Variants in CLU observed in about 807,000 individuals in gnomAD.
CLU encodes aging-associated protein 4.
Under a neutral mutation model 46.4 loss-of-function variants are expected in CLU, and 25 were observed. The observed-to-expected ratio is 0.54, with a 90% CI of 0.39 to 0.75. The LOEUF is 0.75. Among genes scored for constraint, CLU ranks in the 30% least tolerant of loss-of-function variants. The pLI is 0.00. For synonymous variants in CLU, 235 were observed against 235.1 expected (o/e 1.00, Z 0.00); for missense variants, 504 against 592.1 (o/e 0.85, Z 1.54).
intron 1 of CLU, among the ~76,000 whole-genome samples, chr8:27,612,352 A>C (rs1186878628): frequency 6.6e-6 from 1 of 152,144 alleles, no homozygotes; most frequent in Non-Finnish European, 1.5e-5. Context: ...TGTAAAATGG[A>C]TCTAATCCAG....
chr8:27,613,401 AAAG>A (rs201781674), intron 1 of CLU, among the ~76,000 whole-genome samples: 117 of 142,220 alleles, frequency 8.2e-4, no homozygotes, highest in Non-Finnish European at 1.3e-3. Context: ...AAAAAAAAAA[AAAG>A]AGAGAAAAGA....
chr8:27,614,596 C>T (rs774220738), intron 1 of CLU, 59 bp downstream of exon 1: 11 of 463,322 alleles, frequency 2.4e-5, no homozygotes, highest in Non-Finnish European at 4.5e-5. Flanking sequence ...CCATCCCCTG[C>T]CCGCCCATCC....
At chr8:27,608,870 G>T in intron 3 of CLU, 68 bp downstream of exon 3, 1 of 1,568,836 alleles carries the variant, frequency 6.4e-7, no homozygotes, top group Non-Finnish European at 8.8e-7. Context: ...AGGGCACCGC[G>T]CAGTGACCCC....
chr8:27,597,111 T>C lies in CLU; in HGVS notation c.*1130A>G. The C allele has an allele frequency of 2.2e-6, 1 of 454,118 alleles. No homozygotes were observed. The highest frequency in any genetic ancestry group is 4.4e-6 in the Non-Finnish European group (1 of 226,788). The allele number at this position is 454,118 out of a possible 1,614,324, so 28.1% of individuals were successfully genotyped here. A position where few individuals can be genotyped will look rare whatever the true frequency, so the allele number is the denominator to read the frequency against. On this transcript the variant is annotated 3_prime_UTR_variant, in exon 9 of 9. Coordinates refer to ENST00000316403, the MANE Select transcript of CLU (RefSeq NM_001831.4). Reference sequence around the variant, plus strand: ...TTGGACATAAGCTAAGCTTTAAGTTTGTTGTTTATAACTTCAAAGAGAGAC... The same window carrying C: ...TTGGACATAAGCTAAGCTTTAAGTTCGTTGTTTATAACTTCAAAGAGAGAC...
At position 27,606,536 on chromosome 8, in the gene CLU, C is replaced by T. The variant is rs1375041788; in HGVS notation, c.247-12G>A. 3.1e-6 allele frequency: 5 copies of T among 1,613,948 alleles called. No individual in the cohort carries two copies. Among genetic ancestry groups the T allele is most frequent in the Non-Finnish European group, 4.2e-6 (5 of 1,180,032 alleles). ...TCATTTAGGGCATCCTACAGGAAGA[C>T]ACAAGGCTGGCTGAGCCACACAGAG... is the stretch of plus-strand genomic sequence containing the variant. On this transcript the variant is annotated splice_polypyrimidine_tract_variant and intron_variant, in intron 3 of 8. Transcript: ENST00000316403.
chr8:27,608,757 C>T, intron 3 of CLU, 181 bp downstream of exon 3: 1 of 692,006 alleles, frequency 1.4e-6, no homozygotes, highest in Non-Finnish European at 2.6e-6. Context: ...ATCTCACTCC[C>T]TGATGCTTTC....
rs34627536 is a variant in CLU, at chr8:27,598,600, G to A, written c.1200C>T (p.Ser400=). The change falls in exon 8 of 9, where the codon TCC becomes TCT. Residue 400 remains serine (S), a synonymous_variant. Transcript: ENST00000316403. ...GCTTCACGACCACCTCAGTGACACC[G>A]GAAGGAACGTCCGAGTCAGAAGTGT... ...ASHTSDSDVP[S]GVTEVVVKLF... 5.4e-5 allele frequency: 87 copies of A among 1,614,156 alleles called. No homozygotes were observed. Among genetic ancestry groups the A allele is most frequent in the East Asian group, 4.5e-5 (2 of 44,886 alleles).
In CLU at chr8:27,600,037, G is replaced by A. The variant is rs199621041; in HGVS notation, c.935-28C>T. 1.1e-4 allele frequency: 169 copies of A among 1,558,066 alleles called. No homozygotes were observed. In the East Asian group the frequency reaches 3.6e-3, roughly 33 times the overall value. On this transcript the variant is annotated intron_variant, in intron 6 of 8. Transcript: ENST00000316403. ...GCCCAGAGATGGAAGAAACGCAAGT[G>A]AGAAGTGTGAAGGGAAGGCTACAAA... is the stretch of plus-strand genomic sequence containing the variant.
intron 2 of CLU, among the ~76,000 whole-genome samples, chr8:27,610,084 A>G (rs748501849): frequency 3.3e-5 from 5 of 152,222 alleles, no homozygotes; most frequent in Admixed American, 6.5e-5. Context: ...ATGATCCTGC[A>G]GAAACCGTCA....
Position 27,606,541 on chromosome 8 carries a change from G to A in CLU, c.247-17C>T. The A allele has an allele frequency of 6.2e-7, 1 of 1,613,972 alleles. No individual in the cohort carries two copies. Among genetic ancestry groups the A allele is most frequent in the East Asian group, 2.2e-5 (1 of 44,880 alleles). ...TAGGGCATCCTACAGGAAGACACAA[G>A]GCTGGCTGAGCCACACAGAGACCAC... On this transcript the variant is annotated splice_polypyrimidine_tract_variant and intron_variant, in intron 3 of 8. Transcript: ENST00000316403.
rs1800771168 is a variant in CLU at position 27,604,190 on chromosome 8, C to T, written c.934+101G>A. ...AGGCTGCAGAGCTGGAATCCAAACGCTTATCTGTCTGACTCCATAAAGGCA... is the reference window on the plus strand; with the variant it reads ...AGGCTGCAGAGCTGGAATCCAAACGTTTATCTGTCTGACTCCATAAAGGCA... On this transcript the variant is annotated intron_variant, in intron 6 of 8. Coordinates refer to ENST00000316403, the MANE Select transcript of CLU (RefSeq NM_001831.4). The T allele has an allele frequency of 1.5e-5, 14 of 928,934 alleles. No individual in the cohort carries two copies. The South Asian group carries it at 1.7e-4, about 12-fold the overall frequency. The allele number at this position is 928,934 out of a possible 1,614,324, so 57.5% of individuals were successfully genotyped here. A position where few individuals can be genotyped will look rare whatever the true frequency, so the allele number is the denominator to read the frequency against.
Position 27,598,087 on chromosome 8 carries a change from A to G in CLU, c.*154T>C, listed in dbSNP as rs1220666714. 1 of 732,754 alleles carries G rather than the reference A, an allele frequency of 1.4e-6. No homozygotes were observed. Among genetic ancestry groups the G allele is most frequent in the Non-Finnish European group, 2.5e-6 (1 of 400,452 alleles). 45.4% of individuals were successfully genotyped at this position (732,754 alleles called of 1,614,324 possible). A position where few individuals can be genotyped will look rare whatever the true frequency, so the allele number is the denominator to read the frequency against. ...GCAGAGTCGAGTGTTAGAGTGCAGG[A>G]TCCAGAGCGGGGAGAGGCTGGGCGG... On this transcript the variant is annotated 3_prime_UTR_variant, in exon 9 of 9. Transcript: ENST00000316403.
At chr8:27,606,717 G>C (rs574228197) in intron 3 of CLU, among the ~76,000 whole-genome samples, 193 bp from the exon 4 acceptor site, 11 of 152,270 alleles carry the variant, frequency 7.2e-5, no homozygotes, top group Admixed American at 3.9e-4. Flanking sequence ...TTCCCACCTG[G>C]CTTAAAGAAT....
intron 1 of CLU, chr8:27,611,549 C>A: frequency 8.7e-6 from 4 of 457,782 alleles, no homozygotes; most frequent in South Asian, 6.2e-5. Flanking sequence ...ACCCCTCCCC[C>A]TGCACTCCAC....
chr8:27,610,595 A>C lies in CLU; in HGVS notation c.-24T>G, dbSNP rs754544283. 1 of 1,609,024 alleles carries C rather than the reference A, an allele frequency of 6.2e-7. No individual in the cohort carries two copies. Among genetic ancestry groups the C allele is most frequent in the African/African-American group, 1.3e-5 (1 of 74,980 alleles). On this transcript the variant is annotated 5_prime_UTR_variant, in exon 2 of 9. Coordinates refer to ENST00000316403, the MANE Select transcript of CLU (RefSeq NM_001831.4). ...ATGCCTCCAATTCTGGAGTCTTTGC[A>C]CGCCTCTGCAGAGAACAGGAGACCA...
At chr8:27,611,164 A>T (rs1343700914) in intron 1 of CLU, 4 of 453,186 alleles carry the variant, frequency 8.8e-6, no homozygotes, top group African/African-American at 8.0e-5. Context: ...GACTTTCAAG[A>T]GCCGGAGGCA....
At chr8:27,606,579 T>C (rs763698735) in intron 3 of CLU, 55 bp from the exon 4 acceptor site, 440 of 1,605,284 alleles carry the variant, frequency 2.7e-4, no homozygotes, top group Non-Finnish European at 3.6e-4. Context: ...GCTCATGCAC[T>C]CAAAGAGCTG....
chr8:27,605,095 A>G lies in CLU; in HGVS notation c.658T>C (p.Phe220Leu). The G allele has an allele frequency of 6.2e-7, 1 of 1,613,730 alleles. No individual in the cohort carries two copies. The highest frequency in any genetic ancestry group is 2.2e-5 in the East Asian group (1 of 44,876). Reference protein sequence around the residue: ...SLPHRRPHFFFPKSRIVRSLM... With the variant: ...SLPHRRPHFFLPKSRIVRSLM... Reference sequence around the variant, plus strand: ...CTGCGGACGATGCGGGACTTGGGAAAGAAGAAGTGAGGCCTCCGGTGGGGC... The same window carrying G: ...CTGCGGACGATGCGGGACTTGGGAAGGAAGAAGTGAGGCCTCCGGTGGGGC... The change falls in exon 5 of 9, where the codon TTT becomes CTT. Residue 220 changes from phenylalanine (F) to leucine (L), a missense_variant. This residue lies in a region of CLU where 428 missense variants were observed against 484.0 expected (regional missense o/e 0.88). Transcript: ENST00000316403.
At chr8:27,598,750 T>C in intron 7 of CLU, 115 bp from the exon 8 acceptor site, 2 of 977,444 alleles carry the variant, frequency 2.0e-6, no homozygotes, top group Non-Finnish European at 3.2e-6. Context: ...CAAGGAAACC[T>C]AGAGAGCTGA....
Sources: gnomAD v4.1 joint callset for allele counts (sites outside exome capture counted in the v4.1 genomes callset) on GRCh38, gnomAD v4.1.1 for gene constraint, gnomAD v4.1.1 regional missense constraint, MANE v1.5 for transcripts, NCBI Gene and HGNC (gene_info 2026-07-23, HGNC 2026-07-21) for gene names.